Variants in STARD9 observed in about 807,000 individuals in gnomAD.
STARD9 encodes stAR-related lipid transfer protein 9.
STARD9 carries 346 observed loss-of-function variants against 399.8 expected under a neutral mutation model. The ratio of observed to expected loss-of-function variants is 0.87; its 90% CI spans 0.79 to 0.95. The LOEUF (loss-of-function observed/expected upper bound fraction) is 0.95, where lower values mean the gene tolerates loss of function less well. Among genes scored for constraint, STARD9 ranks in the 40% least tolerant of loss-of-function variants. The probability of loss-of-function intolerance (pLI) is 0.00; values close to 1 mark genes in which losing one functional copy is unlikely to be tolerated. For synonymous variants in STARD9, 2,203 were observed against 2,143.5 expected (o/e 1.03, Z -0.77); for missense variants, 5,832 against 5,667.5 (o/e 1.03, Z -0.93).
intron 15 of STARD9, among the ~76,000 whole-genome samples, chr15:42,667,043 G>A (rs1458803215): frequency 6.6e-6 from 1 of 152,116 alleles, no homozygotes; most frequent in Non-Finnish European, 1.5e-5. Flanking sequence ...TCAAACTCCT[G>A]GCCTCAGGTA....
At chr15:42,710,484 A>C (rs1555410636) in intron 26 of STARD9, among the ~76,000 whole-genome samples, 1 of 152,062 alleles carries the variant, frequency 6.6e-6, no homozygotes, top group Non-Finnish European at 1.5e-5. Context: ...TATTCCCTAA[A>C]TTCACCATTC....
chr15:42,707,844 G>A (rs2061123504), intron 26 of STARD9, among the ~76,000 whole-genome samples: 1 of 152,152 alleles, frequency 6.6e-6, no homozygotes, highest in East Asian at 1.9e-4. Context: ...ACATCAGAAT[G>A]ATTTGGATGG....
chr15:42,665,142 G>T, intron 13 of STARD9, 111 bp from the exon 14 acceptor site: 1 of 782,696 alleles, frequency 1.3e-6, no homozygotes. Context: ...GACTGCTGTA[G>T]AGACTACTCC....
Position 42,694,489 on chromosome 15 carries a change from C to T in STARD9, c.12765-39C>T, listed in dbSNP as rs1226593030. ...CAGAGATAGATCTTAAAGTGAAGGA[C>T]ATTCAGGGCCAGCTTCAGCGAATCG... On this transcript the variant is annotated intron_variant, in intron 23 of 32. Transcript: ENST00000290607. The T allele has an allele frequency of 3.3e-6, 5 of 1,532,210 alleles. No homozygotes were observed. The East Asian group carries it at 7.3e-5, about 22-fold the overall frequency. The allele number at this position is 1,532,210 out of a possible 1,614,324, so 94.9% of individuals were successfully genotyped here.
At chr15:42,681,296 G>C (rs1288323436) in intron 20 of STARD9, 126 bp from the exon 21 acceptor site, 2 of 951,492 alleles carry the variant, frequency 2.1e-6, no homozygotes, top group Non-Finnish European at 1.5e-6. Context: ...AAGGTTGCCA[G>C]AAGTCCAAAG....
chr15:42,711,605 T>G (rs1168338305), intron 26 of STARD9, among the ~76,000 whole-genome samples: 1 of 152,212 alleles, frequency 6.6e-6, no homozygotes, highest in South Asian at 2.1e-4. Flanking sequence ...GTGGAGACAG[T>G]GATTTAACCC....
Position 42,692,336 on chromosome 15 carries a change from AAGGCCTCAGTTC to A in STARD9, c.10762_10773del (p.Pro3588_Arg3591del). ...TAGCCCCCACTTCGGGTCATGACAGAAGGCCTCAGTTCAGGGGCCCTTCTGGTGAAGCAGACT... is the reference window on the plus strand; with the variant it reads ...TAGCCCCCACTTCGGGTCATGACAGAAGGGGCCCTTCTGGTGAAGCAGACT... On this transcript the variant is annotated inframe_deletion, in exon 23 of 33. Coordinates refer to ENST00000290607, the MANE Select transcript of STARD9 (RefSeq NM_020759.3). The A allele has an allele frequency of 6.5e-7, 1 of 1,537,010 alleles. No individual in the cohort carries two copies. The highest frequency in any genetic ancestry group is 1.2e-5 in the South Asian group (1 of 84,058).
At chr15:42,668,898 T>C (rs2060153633) in intron 15 of STARD9, among the ~76,000 whole-genome samples, 1 of 152,198 alleles carries the variant, frequency 6.6e-6, no homozygotes, top group African/African-American at 2.4e-5. Flanking sequence ...ACAATACATG[T>C]TCATTGCAGA....
rs965388910 is a variant in STARD9 at position 42,630,637 on chromosome 15, C to T, written c.235-4219C>T. On this transcript the variant is annotated intron_variant, in intron 3 of 32. Transcript: ENST00000290607. ...ACTGTTCTATTCAGGTTTTGGATTT[C>T]GTCATGGTTCAATTTTGGTAGATTG... Among the ~76,000 whole-genome samples, 6 of 152,032 alleles carry T rather than the reference C, an allele frequency of 3.9e-5. No homozygotes were observed. The East Asian group carries it at 5.8e-4, about 15-fold the overall frequency.
intron 4 of STARD9, among the ~76,000 whole-genome samples, chr15:42,636,956 T>C (rs1197549): frequency 0.66 from 100,348 of 151,418 alleles, 36,361 homozygotes; most frequent in East Asian, 0.89. Context: ...CCCATCTACT[T>C]GGGAAGCTGA....
chr15:42,658,288 G>GGTGTGT (rs56286330), intron 9 of STARD9, among the ~76,000 whole-genome samples: 19,454 of 145,758 alleles, frequency 0.13, 1,329 homozygotes, highest in South Asian at 0.26. Flanking sequence ...GGGACTTACA[G>GGTGTGT]GTGTGTGTGT....
intron 3 of STARD9, among the ~76,000 whole-genome samples, chr15:42,632,643 C>T (rs1407313482): frequency 1.3e-5 from 2 of 151,960 alleles, no homozygotes; most frequent in Non-Finnish European, 1.5e-5. Context: ...ATAACCCATT[C>T]GTTTAAACTG....
intron 3 of STARD9, among the ~76,000 whole-genome samples, chr15:42,625,583 G>A (rs1243167407): frequency 1.3e-5 from 2 of 150,926 alleles, no homozygotes; most frequent in Non-Finnish European, 2.9e-5. Flanking sequence ...ACCCACCTTG[G>A]CCTCCCAAAG....
intron 3 of STARD9, among the ~76,000 whole-genome samples, chr15:42,604,283 A>G (rs1394453582): frequency 2.0e-5 from 3 of 152,184 alleles, no homozygotes; most frequent in African/African-American, 4.8e-5. Flanking sequence ...TGTCTCTTAA[A>G]TCAACATCAA....
intron 20 of STARD9, among the ~76,000 whole-genome samples, chr15:42,679,911 G>A (rs1402115559): frequency 6.6e-6 from 1 of 152,144 alleles, no homozygotes; most frequent in African/African-American, 2.4e-5. Flanking sequence ...CTAAAAAGTG[G>A]TTCCCTTACA....
At chr15:42,593,886 T>C (rs1016216982) in intron 3 of STARD9, among the ~76,000 whole-genome samples, 1 of 151,900 alleles carries the variant, frequency 6.6e-6, no homozygotes, top group Non-Finnish European at 1.5e-5. Context: ...GCCAGAATGG[T>C]CTTGATCTCC....
intron 3 of STARD9, among the ~76,000 whole-genome samples, chr15:42,632,818 G>A (rs1365249681): frequency 2.0e-5 from 3 of 152,104 alleles, no homozygotes; most frequent in Non-Finnish European, 4.4e-5. Context: ...CTTCAGCCTA[G>A]CTGACAGGAT....
chr15:42,666,082 G>A (rs1035863548), intron 15 of STARD9, among the ~76,000 whole-genome samples: 2 of 152,220 alleles, frequency 1.3e-5, no homozygotes, highest in African/African-American at 4.8e-5. Context: ...TTTGGATAGT[G>A]AGAGTAGCCT....
Position 42,689,341 on chromosome 15 carries a change from C to A in STARD9, c.7763C>A (p.Ser2588Ter). The A allele has an allele frequency of 6.5e-7, 1 of 1,537,268 alleles. No individual in the cohort carries two copies. Among genetic ancestry groups the A allele is most frequent in the South Asian group, 1.2e-5 (1 of 84,058 alleles). Residue 2588 changes from serine (S) to a stop codon, truncating the protein, a stop_gained, in exon 23 of 33, where the codon TCA becomes TAA. Transcript: ENST00000290607. LOFTEE classifies it high-confidence loss of function. Reference protein sequence around the residue: ...CETLLEPECSSRVAGRPQCKQ... With the variant: ...CETLLEPECS ...ACTTTACTAGAACCCGAATGTTCTT[C>A]AAGGGTTGCTGGCAGGCCTCAGTGT... is the stretch of plus-strand genomic sequence containing the variant.
Sources: allele counts gnomAD v4.1 joint callset (sites outside exome capture counted in the v4.1 genomes callset), GRCh38; gene constraint gnomAD v4.1.1; transcripts MANE v1.5; gene names NCBI Gene and HGNC (gene_info 2026-07-23, HGNC 2026-07-21).